ANKRD26: variants seen among roughly 807,000 people sequenced by gnomAD.
The protein encoded by ANKRD26 is ankyrin repeat domain 26, also known as ankyrin repeat domain-containing protein 26.
ANKRD26 carries 141 observed loss-of-function variants against 208.7 expected under a neutral mutation model. That is an observed-to-expected ratio of 0.68 (90% CI 0.59 to 0.78). The LOEUF (loss-of-function observed/expected upper bound fraction) is 0.78, where lower values mean the gene tolerates loss of function less well. ANKRD26 is among the 30% of genes least tolerant of loss of function. The pLI is 0.00. For missense variants in ANKRD26, 1,889 were observed against 1,938.7 expected (o/e 0.97, Z 0.48); for synonymous variants, 636 against 660.4 (o/e 0.96, Z 0.57).
chr10:26,978,455 C>CA (rs931255168), intron 5 of ANKRD26, among the ~76,000 whole-genome samples: 3 of 151,962 alleles, frequency 2.0e-5, no homozygotes, highest in Non-Finnish European at 4.4e-5. Flanking sequence ...GACCCTATCT[C>CA]AAAAAATAAT....
intron 28 of ANKRD26, 78 bp downstream of exon 28, chr10:27,024,368 TA>T: frequency 1.4e-6 from 1 of 739,194 alleles, no homozygotes; most frequent in Non-Finnish European, 2.2e-6. Context: ...AATGAATTTA[TA>T]TCTAGTTTTG....
At chr10:27,048,714 A>C in intron 17 of ANKRD26, 87 bp downstream of exon 17, 1 of 1,411,750 alleles carries the variant, frequency 7.1e-7, no homozygotes, top group South Asian at 1.2e-5. Context: ...TAAAAGTATA[A>C]AATTTATTAA....
intron 24 of ANKRD26, among the ~76,000 whole-genome samples, chr10:27,033,595 C>T (rs964204275): frequency 2.6e-5 from 4 of 152,246 alleles, no homozygotes; most frequent in African/African-American, 4.8e-5. Flanking sequence ...TTAGGTATGA[C>T]GTTACTTAAA....
chr10:26,953,207 T>C, the ANKRD26 span, among the ~76,000 whole-genome samples: 2 of 152,148 alleles, frequency 1.3e-5, no homozygotes, highest in South Asian at 2.1e-4. Context: ...GGAGGTTCAT[T>C]TGAGGCCGGG....
At position 27,032,622 on chromosome 10, in the gene ANKRD26, C is replaced by A. The variant is rs188171896; in HGVS notation, c.3807+603G>T. On this transcript the variant is annotated intron_variant, in intron 25 of 33. Transcript: ENST00000376087. ...CTGCACGCCAGCCTGGGCTACAGAG[C>A]GAGACTCTGTCTCAAAAAAAAAACA... Among the ~76,000 whole-genome samples the A allele has an allele frequency of 3.1e-3, 463 of 147,568 alleles. 2 individuals carry two copies. Among genetic ancestry groups the A allele is most frequent in the Non-Finnish European group, 5.5e-3 (372 of 67,346 alleles).
chr10:27,049,402 A>C (rs1381417226), intron 16 of ANKRD26, among the ~76,000 whole-genome samples: 1 of 152,200 alleles, frequency 6.6e-6, no homozygotes, highest in Non-Finnish European at 1.5e-5. Context: ...CGCAGCCAGG[A>C]AGAGAAAGGA....
At position 27,084,916 on chromosome 10, in the gene ANKRD26, G is replaced by GT. The variant is rs772167870; in HGVS notation, c.709+1622dup. ...TTTCTGTACTTACTTTTTTTTTCCT[G>GT]TTTTTTTTTAGAGTCTCCCATTGGA... On this transcript the variant is annotated intron_variant, in intron 5 of 33. Coordinates refer to ENST00000376087, the MANE Select transcript of ANKRD26 (RefSeq NM_014915.3). Among the ~76,000 whole-genome samples, 144 of 143,772 alleles carry GT rather than the reference G, an allele frequency of 1.0e-3. 1 individual carries two copies. Among genetic ancestry groups the GT allele is most frequent in the Middle Eastern group, 3.6e-3 (1 of 276 alleles). The allele number at this position is 143,772 out of a possible 152,430, so 94.3% of individuals were successfully genotyped here. A position where few individuals can be genotyped will look rare whatever the true frequency, so the allele number is the denominator to read the frequency against.
At chr10:27,041,283 T>A (rs1351541617) in intron 20 of ANKRD26, among the ~76,000 whole-genome samples, 1 of 151,954 alleles carries the variant, frequency 6.6e-6, no homozygotes, top group African/African-American at 2.4e-5. Context: ...GATCCCCTCT[T>A]GGGTATTGAG....
chr10:27,044,280 G>T, intron 18 of ANKRD26, 90 bp from the exon 19 acceptor site: 2 of 1,146,434 alleles, frequency 1.7e-6, no homozygotes, highest in Non-Finnish European at 2.4e-6. Flanking sequence ...TAAAAGCTCT[G>T]CATTTGTAAT....
At chr10:27,041,773 G>C (rs1003048993) in intron 20 of ANKRD26, among the ~76,000 whole-genome samples, 1 of 151,696 alleles carries the variant, frequency 6.6e-6, no homozygotes, top group Admixed American at 6.6e-5. Context: ...CCCCCAAAGA[G>C]GAAGGAAGAG....
Position 27,005,014 on chromosome 10 carries a change from A to G in ANKRD26, c.*576T>C. ...ATTGTTCGGAGGAGAAAGTCTTTGT[A>G]CTAAAACTTCGAAATTTTCTCTAAA... On this transcript the variant is annotated 3_prime_UTR_variant, in exon 34 of 34. Transcript: ENST00000376087. The G allele has an allele frequency of 1.0e-6, 1 of 981,552 alleles. No individual in the cohort carries two copies. The highest frequency in any genetic ancestry group is 1.2e-6 in the Non-Finnish European group (1 of 826,364). The allele number at this position is 981,552 out of a possible 1,614,324, so 60.8% of individuals were successfully genotyped here.
In ANKRD26 at chr10:27,017,593, A is replaced by G. The variant is rs755242580; in HGVS notation, c.4415T>C (p.Leu1472Pro). Residue 1472 changes from leucine to proline, a missense_variant, in exon 30 of 34, where the codon CTT (leucine) becomes CCT (proline). By Grantham distance (98) the Leu-to-Pro change is moderately conservative (BLOSUM62 -3). This residue lies in a region of ANKRD26 where 613 missense variants were observed against 648.2 expected (regional missense o/e 0.95). Coordinates refer to ENST00000376087, the MANE Select transcript of ANKRD26 (RefSeq NM_014915.3). ...CTGTTTATACTGTTTGACTTGACCA[A>G]GTTCTACCATATTCCTTTCTATATG... ...RSHIERNMVE[L>P]GQVKQYKQEI... 6 of 1,613,666 alleles carry G rather than the reference A, an allele frequency of 3.7e-6. No homozygotes were observed. In the South Asian group the frequency reaches 6.6e-5, roughly 18 times the overall value.
At chr10:27,091,006 G>A (rs988439221) in intron 4 of ANKRD26, among the ~76,000 whole-genome samples, 1 of 152,182 alleles carries the variant, frequency 6.6e-6, no homozygotes, top group South Asian at 2.1e-4. Context: ...TGAGGCAGGG[G>A]GATTGCTTGA....
At chr10:27,040,724 TGACA>T (rs1424821216) in intron 20 of ANKRD26, among the ~76,000 whole-genome samples, 2 of 152,082 alleles carry the variant, frequency 1.3e-5, no homozygotes, top group Non-Finnish European at 2.9e-5. Context: ...CAAGGATCCC[TGACA>T]GACAAGAAAC....
chr10:26,976,380 A>C (rs1474563260), intron 5 of ANKRD26, among the ~76,000 whole-genome samples: 1 of 151,818 alleles, frequency 6.6e-6, no homozygotes, highest in Non-Finnish European at 1.5e-5. Flanking sequence ...ACGCCTGGCT[A>C]ATTTTTGTAT....
chr10:27,093,033 G>T (rs1284946691), intron 3 of ANKRD26, among the ~76,000 whole-genome samples: 1 of 151,842 alleles, frequency 6.6e-6, no homozygotes, highest in Non-Finnish European at 1.5e-5. Context: ...AGGTTGCAGT[G>T]AGCCGAGATC....
At chr10:27,093,309 C>T in intron 3 of ANKRD26, 40 bp downstream of exon 3, 4 of 1,578,724 alleles carry the variant, frequency 2.5e-6, no homozygotes, top group South Asian at 1.1e-5. Flanking sequence ...GAAACAAACG[C>T]ATTTCAAATA....
At chr10:27,047,494 G>A (rs932791609) in intron 17 of ANKRD26, among the ~76,000 whole-genome samples, 4 of 151,656 alleles carry the variant, frequency 2.6e-5, no homozygotes, top group African/African-American at 9.7e-5. Flanking sequence ...GGTGGTGCGG[G>A]CCTGTAATCC....
At chr10:26,999,596 T>C (rs35583773), downstream of ANKRD26, among the ~76,000 whole-genome samples, 14,244 of 151,946 alleles carry the variant, frequency 0.094, 792 homozygotes, top group East Asian at 0.28. Context: ...CTAGTTATGT[T>C]CTCCTGAAGG....
Sources: allele counts gnomAD v4.1 joint callset (sites outside exome capture counted in the v4.1 genomes callset), GRCh38; gene constraint gnomAD v4.1.1; regional missense constraint gnomAD v4.1.1; transcripts MANE v1.5; gene names NCBI Gene and HGNC (gene_info 2026-07-23, HGNC 2026-07-21).